The following SLC9A9 variants were observed in gnomAD, a reference collection of about 807,000 sequenced individuals.
SLC9A9 encodes solute carrier family 9 member A9, also known as sodium/hydrogen exchanger 9.
A neutral mutation model predicts 77.8 loss-of-function variants in SLC9A9; 62 were observed. The observed-to-expected ratio is 0.80, with a 90% CI of 0.65 to 0.98. The LOEUF is 0.98. SLC9A9 is among the 50% of genes least tolerant of loss of function. The pLI, the probability that SLC9A9 is intolerant of heterozygous loss-of-function variation, is 0.00. For missense variants in SLC9A9, 775 were observed against 774.9 expected (o/e 1.00, Z 0.00); for synonymous variants, 320 against 283.5 (o/e 1.13, Z -1.29).
At chr3:143,748,804 C>T (rs887851178) in intron 4 of SLC9A9, among the ~76,000 whole-genome samples, 6 of 150,406 alleles carry the variant, frequency 4.0e-5, no homozygotes, top group Admixed American at 2.6e-4. Context: ...CCTGGGTTCA[C>T]GCCATTCTCC....
At chr3:143,610,123 G>A (rs1422867464) in intron 6 of SLC9A9, among the ~76,000 whole-genome samples, 1 of 151,930 alleles carries the variant, frequency 6.6e-6, no homozygotes, top group Non-Finnish European at 1.5e-5. Flanking sequence ...GCATTACTTA[G>A]AACTTTCGGA....
intron 5 of SLC9A9, among the ~76,000 whole-genome samples, chr3:143,660,377 C>A (rs2038960784): frequency 6.6e-6 from 1 of 152,194 alleles, no homozygotes; most frequent in African/African-American, 2.4e-5. Flanking sequence ...AGAGAAAAAC[C>A]TCTTGGAGCC....
At chr3:143,479,273 A>G (rs1217020020) in intron 11 of SLC9A9, among the ~76,000 whole-genome samples, 1 of 152,160 alleles carries the variant, frequency 6.6e-6, no homozygotes, top group African/African-American at 2.4e-5. Context: ...TTTTAGAGAC[A>G]GGGTCTCACT....
At chr3:143,506,405 G>T (rs1289797117) in intron 9 of SLC9A9, among the ~76,000 whole-genome samples, 1 of 152,130 alleles carries the variant, frequency 6.6e-6, no homozygotes, top group African/African-American at 2.4e-5. Flanking sequence ...CTTATGTTCA[G>T]CTAAAATTTG....
chr3:143,801,590 C>T (rs138724678), intron 2 of SLC9A9, among the ~76,000 whole-genome samples: 1,692 of 152,254 alleles, frequency 0.011, 24 homozygotes, highest in African/African-American at 0.039. Flanking sequence ...CTGACATACA[C>T]CCCATTTCCC....
At chr3:143,351,317 G>A (rs1405271950) in intron 14 of SLC9A9, among the ~76,000 whole-genome samples, 11 of 152,160 alleles carry the variant, frequency 7.2e-5, no homozygotes, top group Admixed American at 7.2e-4. Context: ...GAAAAACCCT[G>A]ATTTAAATAT....
At chr3:143,554,844 C>T (rs1218280807) in intron 8 of SLC9A9, among the ~76,000 whole-genome samples, 1 of 152,114 alleles carries the variant, frequency 6.6e-6, no homozygotes, top group Non-Finnish European at 1.5e-5. Context: ...ATCCACATGG[C>T]TCCTTCCCTC....
At chr3:143,404,621 A>T (rs1450852775) in intron 12 of SLC9A9, among the ~76,000 whole-genome samples, 3 of 151,712 alleles carry the variant, frequency 2.0e-5, no homozygotes, top group Non-Finnish European at 4.4e-5. Flanking sequence ...TTATTCCTGT[A>T]CAAGGGCTGC....
intron 9 of SLC9A9, among the ~76,000 whole-genome samples, chr3:143,509,328 C>T (rs543554033): frequency 6.6e-6 from 1 of 152,134 alleles, no homozygotes; most frequent in African/African-American, 2.4e-5. Flanking sequence ...GTTTGCTTAA[C>T]TTGTTCCTTT....
chr3:143,565,776 A>G (rs2108650220), intron 8 of SLC9A9, among the ~76,000 whole-genome samples: 1 of 151,814 alleles, frequency 6.6e-6, no homozygotes, highest in Non-Finnish European at 1.5e-5. Context: ...ATTGTTGGTT[A>G]AGTTGGATTC....
intron 2 of SLC9A9, among the ~76,000 whole-genome samples, chr3:143,800,034 AG>A (rs1448691742): frequency 1.3e-5 from 2 of 152,096 alleles, no homozygotes; most frequent in African/African-American, 2.4e-5. Context: ...CCACCTGCCC[AG>A]CTCCCTTATT....
At chr3:143,735,417 G>T (rs527585713) in intron 4 of SLC9A9, among the ~76,000 whole-genome samples, 6 of 152,270 alleles carry the variant, frequency 3.9e-5, no homozygotes, top group Non-Finnish European at 8.8e-5. Flanking sequence ...AATTAGATTT[G>T]CATTAACACT....
At chr3:143,353,434 C>CA (rs1332130823) in intron 14 of SLC9A9, among the ~76,000 whole-genome samples, 4 of 152,160 alleles carry the variant, frequency 2.6e-5, no homozygotes, top group Non-Finnish European at 5.9e-5. Flanking sequence ...TACTTTCTTC[C>CA]ACCACATGAG....
At chr3:143,502,974 T>A (rs1374322643) in intron 9 of SLC9A9, among the ~76,000 whole-genome samples, 1 of 152,214 alleles carries the variant, frequency 6.6e-6, no homozygotes, top group African/African-American at 2.4e-5. Flanking sequence ...AGGTGAATAA[T>A]TTTTATTCCT....
At chr3:143,675,528 C>T (rs576158402) in intron 5 of SLC9A9, among the ~76,000 whole-genome samples, 3 of 152,200 alleles carry the variant, frequency 2.0e-5, no homozygotes, top group Non-Finnish European at 4.4e-5. Context: ...CTTCATCAAG[C>T]ACTTGGGATT....
At chr3:143,427,786 G>A (rs1489941455) in intron 12 of SLC9A9, among the ~76,000 whole-genome samples, 1 of 152,122 alleles carries the variant, frequency 6.6e-6, no homozygotes. Context: ...TCTCAGTCAT[G>A]TCTCCTGGGG....
chr3:143,577,204 A>G (rs1317908009), intron 7 of SLC9A9, among the ~76,000 whole-genome samples: 2 of 152,128 alleles, frequency 1.3e-5, no homozygotes, highest in Non-Finnish European at 2.9e-5. Context: ...ACTCTTTGAA[A>G]TACCACTTCA....
rs1372252927 is a variant in SLC9A9, at chr3:143,523,566, C to T, written c.1090-28118G>A. Among the ~76,000 whole-genome samples, 7 of 152,096 alleles carry T rather than the reference C, an allele frequency of 4.6e-5. No homozygotes were observed. The East Asian group carries it at 7.7e-4, about 17-fold the overall frequency. On this transcript the variant is annotated intron_variant, in intron 9 of 15. Transcript: ENST00000316549. ...AGACACAGCGTGAATCCCAGCTCTT[C>T]GGTTGCATGCTGTGTGAACTTGTGA...
intron 14 of SLC9A9, among the ~76,000 whole-genome samples, chr3:143,305,585 T>C (rs2030745138): frequency 6.6e-6 from 1 of 152,216 alleles, no homozygotes; most frequent in Non-Finnish European, 1.5e-5. Flanking sequence ...GATGCTGTGC[T>C]GGAAGTGAGT....
Sources: gnomAD v4.1 joint callset for allele counts (sites outside exome capture counted in the v4.1 genomes callset) on GRCh38, gnomAD v4.1.1 for gene constraint, MANE v1.5 for transcripts, NCBI Gene and HGNC (gene_info 2026-07-23, HGNC 2026-07-21) for gene names.